The following PABPC4L variants were observed in gnomAD, a reference collection of about 807,000 sequenced individuals.
PABPC4L encodes the protein polyadenylate-binding protein 4-like.
For missense variants in PABPC4L, 452 were observed against 451.4 expected (o/e 1.00, Z -0.01); for synonymous variants, 169 against 164.1 (o/e 1.03, Z -0.23).
the PABPC4L span, among the ~76,000 whole-genome samples, chr4:134,107,810 C>T: frequency 6.6e-6 from 1 of 151,508 alleles, no homozygotes; most frequent in African/African-American, 2.4e-5. Context: ...AGATTTGTTA[C>T]TTCAGCTTGT....
At chr4:134,168,382 C>G in the PABPC4L span, among the ~76,000 whole-genome samples, 1 of 151,320 alleles carries the variant, frequency 6.6e-6, no homozygotes, top group African/African-American at 2.4e-5. Context: ...AAGAGCAAAC[C>G]AAACCTCAAA....
At chr4:134,189,805 T>G in the PABPC4L span, among the ~76,000 whole-genome samples, 1 of 152,146 alleles carries the variant, frequency 6.6e-6, no homozygotes, top group Non-Finnish European at 1.5e-5. Flanking sequence ...ATGGAATAAC[T>G]AGAGTTGACT....
chr4:133,950,708 TA>T, the PABPC4L span, among the ~76,000 whole-genome samples: 23 of 152,324 alleles, frequency 1.5e-4, no homozygotes, highest in African/African-American at 5.5e-4. Context: ...GGAATTAGGC[TA>T]AATAGTCTAA....
chr4:134,181,683 C>A, the PABPC4L span, among the ~76,000 whole-genome samples: 3 of 151,876 alleles, frequency 2.0e-5, no homozygotes, highest in African/African-American at 7.2e-5. Context: ...TTTCAGGATA[C>A]AAAATCAATA....
chr4:134,123,924 G>C, the PABPC4L span, among the ~76,000 whole-genome samples: 1 of 151,930 alleles, frequency 6.6e-6, no homozygotes, highest in Non-Finnish European at 1.5e-5. Flanking sequence ...TTATTGCATT[G>C]AGGGAGAACA....
At chr4:134,057,657 C>A in the PABPC4L span, among the ~76,000 whole-genome samples, 8 of 152,182 alleles carry the variant, frequency 5.3e-5, no homozygotes, top group South Asian at 1.5e-3. Context: ...AACTTGTCAA[C>A]AGTGGAAGTC....
chr4:134,043,696 G>C, the PABPC4L span, among the ~76,000 whole-genome samples: 1 of 151,894 alleles, frequency 6.6e-6, no homozygotes, highest in African/African-American at 2.4e-5. Context: ...AAATACATCA[G>C]ACACATCAAT....
the PABPC4L span, among the ~76,000 whole-genome samples, chr4:134,036,163 A>C: frequency 1.3e-5 from 2 of 152,114 alleles, no homozygotes; most frequent in South Asian, 4.1e-4. Flanking sequence ...AGATAATAAA[A>C]GTTTCTCAAT....
chr4:133,972,128 C>T, the PABPC4L span, among the ~76,000 whole-genome samples: 53,169 of 151,910 alleles, frequency 0.35, 9,697 homozygotes, highest in Admixed American at 0.47. Flanking sequence ...CTAGGAGTTA[C>T]GATTGTTCTC....
At chr4:134,117,419 A>C in the PABPC4L span, among the ~76,000 whole-genome samples, 1 of 151,724 alleles carries the variant, frequency 6.6e-6, no homozygotes, top group African/African-American at 2.4e-5. Flanking sequence ...GGAATGATAA[A>C]AATATCCAGG....
chr4:134,036,624 GTGATCCAGAATTTATT>G, the PABPC4L span, among the ~76,000 whole-genome samples: 1 of 152,038 alleles, frequency 6.6e-6, no homozygotes, highest in East Asian at 1.9e-4. Flanking sequence ...AAACGACTTT[GTGATCCAGAATTTATT>G]TCTTAAACTT....
At chr4:133,981,797 G>T in the PABPC4L span, among the ~76,000 whole-genome samples, 1 of 151,850 alleles carries the variant, frequency 6.6e-6, no homozygotes, top group Non-Finnish European at 1.5e-5. Flanking sequence ...TCAATGTTCT[G>T]GAACTCTTTA....
the PABPC4L span, among the ~76,000 whole-genome samples, chr4:134,054,863 T>C: frequency 1.3e-5 from 2 of 152,082 alleles, no homozygotes; most frequent in African/African-American, 4.8e-5. Context: ...GAACATACAA[T>C]TTCATTTCTT....
At chr4:134,188,247 A>T in the PABPC4L span, among the ~76,000 whole-genome samples, 6 of 152,244 alleles carry the variant, frequency 3.9e-5, no homozygotes, top group African/African-American at 1.4e-4. Context: ...ATGCCCATGA[A>T]GTGGGTAATA....
chr4:134,015,595 T>C, the PABPC4L span, among the ~76,000 whole-genome samples: 1 of 152,096 alleles, frequency 6.6e-6, no homozygotes, highest in African/African-American at 2.4e-5. Context: ...CTGTTACCTA[T>C]CTCGGCATAA....
chr4:133,968,650 A>G, the PABPC4L span, among the ~76,000 whole-genome samples: 1 of 152,192 alleles, frequency 6.6e-6, no homozygotes, highest in African/African-American at 2.4e-5. Flanking sequence ...ACAAGGCACT[A>G]TAGTAAACGG....
chr4:134,103,876 T>G, the PABPC4L span, among the ~76,000 whole-genome samples: 1 of 151,832 alleles, frequency 6.6e-6, no homozygotes, highest in Non-Finnish European at 1.5e-5. Context: ...AACCTTGCCA[T>G]TTGTTTGTCA....
chr4:134,068,568 T>G, the PABPC4L span, among the ~76,000 whole-genome samples: 2 of 152,276 alleles, frequency 1.3e-5, no homozygotes, highest in South Asian at 2.1e-4. Flanking sequence ...CATCATGTTG[T>G]TAGCTGGTTA....
the PABPC4L span, among the ~76,000 whole-genome samples, chr4:134,067,489 C>T: frequency 1.0e-3 from 152 of 152,124 alleles, no homozygotes; most frequent in African/African-American, 3.5e-3. Context: ...CTCCTGGACT[C>T]ATTAATTTTT....
Sources: gnomAD v4.1 joint callset for allele counts (sites outside exome capture counted in the v4.1 genomes callset) on GRCh38, gnomAD v4.1.1 for gene constraint, MANE v1.5 for transcripts, NCBI Gene and HGNC (gene_info 2026-07-23, HGNC 2026-07-21) for gene names.